The following MAPKAP1 variants were observed in gnomAD, a reference collection of about 807,000 sequenced individuals.
MAPKAP1 encodes MAPK associated protein 1.
MAPKAP1 carries 20 observed loss-of-function variants against 65.7 expected under a neutral mutation model. The observed-to-expected ratio is 0.30, with a 90% CI of 0.21 to 0.44. MAPKAP1 has a LOEUF of 0.44. Among genes scored for constraint, MAPKAP1 ranks in the 20% least tolerant of loss-of-function variants. MAPKAP1 has a pLI of 1.00. For missense variants in MAPKAP1, 423 were observed against 648.0 expected, an observed-to-expected ratio of 0.65 and a Z score of 3.77; for synonymous variants, 222 against 244.3, an observed-to-expected ratio of 0.91 and a Z score of 0.85.
intron 1 of MAPKAP1, among the ~76,000 whole-genome samples, chr9:125,702,629 A>C (rs1835635969): frequency 6.6e-6 from 1 of 152,128 alleles, no homozygotes; most frequent in African/African-American, 2.4e-5. Flanking sequence ...AAGCAGGCGG[A>C]TCACTTGAGG....
At chr9:125,700,218 T>TTA (rs1441528809) in intron 1 of MAPKAP1, among the ~76,000 whole-genome samples, 1 of 152,254 alleles carries the variant, frequency 6.6e-6, no homozygotes, top group East Asian at 1.9e-4. Flanking sequence ...AATACTCGCT[T>TTA]TATTTTCAAA....
chr9:125,467,825 T>C (rs1234215568), intron 10 of MAPKAP1, 147 bp downstream of exon 10: 2 of 871,652 alleles, frequency 2.3e-6, no homozygotes, highest in African/African-American at 3.4e-5. Context: ...TACAATCCCG[T>C]TTGATTAAAA....
intron 10 of MAPKAP1, among the ~76,000 whole-genome samples, chr9:125,445,862 G>A (rs1219686573): frequency 6.6e-6 from 1 of 151,896 alleles, no homozygotes; most frequent in African/African-American, 2.4e-5. Flanking sequence ...CAAAGGAACA[G>A]TGCCCAAGAG....
chr9:125,693,838 T>TATATACAC (rs1835301431), intron 1 of MAPKAP1, among the ~76,000 whole-genome samples: 2 of 117,294 alleles, frequency 1.7e-5, no homozygotes, highest in Non-Finnish European at 3.2e-5. Flanking sequence ...CACATATATA[T>TATATACAC]ACACACATAC....
chr9:125,518,340 T>A (rs1173266267), intron 7 of MAPKAP1, among the ~76,000 whole-genome samples: 1 of 151,910 alleles, frequency 6.6e-6, no homozygotes. Flanking sequence ...CCATACTACA[T>A]CTGTAATCCC....
intron 7 of MAPKAP1, among the ~76,000 whole-genome samples, chr9:125,532,530 C>T (rs1346663532): frequency 6.6e-6 from 1 of 152,262 alleles, no homozygotes; most frequent in African/African-American, 2.4e-5. Flanking sequence ...GCTAATTAAA[C>T]ATCTGTCTCA....
At chr9:125,494,457 C>A (rs1854862307) in intron 8 of MAPKAP1, among the ~76,000 whole-genome samples, 1 of 152,156 alleles carries the variant, frequency 6.6e-6, no homozygotes, top group African/African-American at 2.4e-5. Context: ...GGAGCCAGAG[C>A]CAGCCAGGCT....
chr9:125,488,453 C>T (rs978512271), intron 8 of MAPKAP1, among the ~76,000 whole-genome samples: 2 of 152,194 alleles, frequency 1.3e-5, no homozygotes, highest in Non-Finnish European at 2.9e-5. Context: ...GCAACCTCTA[C>T]CTCCCAGGTT....
At chr9:125,561,613 ATAC>A (rs1283578052) in intron 5 of MAPKAP1, among the ~76,000 whole-genome samples, 3 of 152,222 alleles carry the variant, frequency 2.0e-5, no homozygotes, top group Non-Finnish European at 2.9e-5. Context: ...ATGTCATGGT[ATAC>A]TGGCTAAGAG....
At chr9:125,591,357 C>T (rs1026906741) in intron 4 of MAPKAP1, among the ~76,000 whole-genome samples, 1 of 152,174 alleles carries the variant, frequency 6.6e-6, no homozygotes, top group African/African-American at 2.4e-5. Flanking sequence ...GAGATGGAGA[C>T]TCCAGGAAAC....
intron 1 of MAPKAP1, among the ~76,000 whole-genome samples, chr9:125,687,029 T>C (rs1835003151): frequency 6.6e-6 from 1 of 152,074 alleles, no homozygotes; most frequent in Admixed American, 6.6e-5. Context: ...TTTCACCATG[T>C]TGGCAAGGCT....
intron 7 of MAPKAP1, among the ~76,000 whole-genome samples, chr9:125,511,159 C>T (rs981350961): frequency 7.8e-6 from 1 of 128,310 alleles, no homozygotes; most frequent in Non-Finnish European, 1.7e-5. Flanking sequence ...CAGCTATCAT[C>T]ATCACCATCA....
intron 4 of MAPKAP1, among the ~76,000 whole-genome samples, chr9:125,606,921 AGCAAATAAATGC>A (rs1832455045): frequency 6.6e-6 from 1 of 152,206 alleles, no homozygotes. Flanking sequence ...GAAAGTGGAA[AGCAAATAAATGC>A]GCTTTGGATT....
chr9:125,554,223 C>T (rs1450298405), intron 6 of MAPKAP1, among the ~76,000 whole-genome samples: 1 of 152,144 alleles, frequency 6.6e-6, no homozygotes. Flanking sequence ...GCACAAAGAT[C>T]TCTATGAACA....
chr9:125,465,200 C>T (rs1198640357), intron 10 of MAPKAP1, among the ~76,000 whole-genome samples: 2 of 152,212 alleles, frequency 1.3e-5, no homozygotes, highest in Non-Finnish European at 2.9e-5. Flanking sequence ...TAGACTCTCT[C>T]TCTTTGCCAT....
chr9:125,445,534 G>A (rs1852681758), intron 10 of MAPKAP1, among the ~76,000 whole-genome samples: 1 of 152,236 alleles, frequency 6.6e-6, no homozygotes, highest in Non-Finnish European at 1.5e-5. Flanking sequence ...CCTACCACAC[G>A]GTACCGTGGC....
At chr9:125,469,197 G>T (rs994052951) in intron 9 of MAPKAP1, among the ~76,000 whole-genome samples, 10 of 151,968 alleles carry the variant, frequency 6.6e-5, no homozygotes, top group Admixed American at 1.3e-4. Context: ...GAAGATATAA[G>T]AAATAATTAA....
intron 1 of MAPKAP1, chr9:125,696,332 G>A (rs1463292370): frequency 6.6e-6 from 1 of 151,262 alleles, no homozygotes; most frequent in African/African-American, 2.4e-5. Flanking sequence ...GATCGCTTGA[G>A]TCCAGGAAGT....
At chr9:125,481,065 T>C (rs1425690188) in intron 9 of MAPKAP1, among the ~76,000 whole-genome samples, 2 of 151,528 alleles carry the variant, frequency 1.3e-5, no homozygotes, top group African/African-American at 4.9e-5. Flanking sequence ...ATTATCCCCA[T>C]TTCATACATG....
Sources: gnomAD v4.1 joint callset for allele counts (sites outside exome capture counted in the v4.1 genomes callset) on GRCh38, gnomAD v4.1.1 for gene constraint, MANE v1.5 for transcripts, NCBI Gene and HGNC (gene_info 2026-07-23, HGNC 2026-07-21) for gene names.